The following CADM4 variants were observed in gnomAD, a reference collection of about 807,000 sequenced individuals.
CADM4 encodes the protein cell adhesion molecule 4, also known as TSLC1-like 2.
Under a neutral mutation model 43.9 loss-of-function variants are expected in CADM4, and 13 were observed. That is an observed-to-expected ratio of 0.30 (90% CI 0.19 to 0.47). The LOEUF (loss-of-function observed/expected upper bound fraction) is 0.47, where lower values mean the gene tolerates loss of function less well. CADM4 is among the 20% of genes least tolerant of loss of function. CADM4 has a pLI of 1.00. For synonymous variants in CADM4, 209 were observed against 220.9 expected, an observed-to-expected ratio of 0.95 and a Z score of 0.48; for missense variants, 420 against 527.0, an observed-to-expected ratio of 0.80 and a Z score of 1.99.
At position 43,626,658 on chromosome 19, in the gene CADM4, C is replaced by G; in HGVS notation, c.499+126G>C. The G allele has an allele frequency of 7.7e-7, 1 of 1,290,772 alleles. No homozygotes were observed. Among genetic ancestry groups the G allele is most frequent in the Non-Finnish European group, 1.0e-6 (1 of 958,232 alleles). 80.0% of individuals were successfully genotyped at this position (1,290,772 alleles called of 1,614,324 possible). On this transcript the variant is annotated intron_variant, in intron 4 of 8. Coordinates refer to ENST00000222374, the MANE Select transcript of CADM4 (RefSeq NM_145296.2). This position sits in a 1 kb window ranked among gnomAD's most constrained non-coding sequence, Gnocchi z 5.9. ...GACTACAGGCGTGAGCCACCGCGCT[C>G]GACATCAACCACTACATATTGAATG...
At position 43,627,561 on chromosome 19, in the gene CADM4, G is replaced by A. The variant is rs1973549883; in HGVS notation, c.211+83C>T. ...GAGACCCAGGAGACCAAACTCTCAG[G>A]TGTGTCCTCTTTCAGGACATGGGAG... On this transcript the variant is annotated intron_variant, in intron 2 of 8. Transcript: ENST00000222374. The surrounding 1 kb of genome is among the most constrained non-coding windows in gnomAD (Gnocchi z 4.0). 1 of 1,472,016 alleles carries A rather than the reference G, an allele frequency of 6.8e-7. No homozygotes were observed. The highest frequency in any genetic ancestry group is 9.3e-7 in the Non-Finnish European group (1 of 1,078,890). The allele number at this position is 1,472,016 out of a possible 1,614,324, so 91.2% of individuals were successfully genotyped here.
At chr19:43,637,743 G>A (rs897400678) in intron 1 of CADM4, among the ~76,000 whole-genome samples, 2 of 152,164 alleles carry the variant, frequency 1.3e-5, no homozygotes, top group African/African-American at 4.8e-5. Flanking sequence ...TTCAAAGTCT[G>A]ATGATTCTAA....
At chr19:43,641,462 C>G (rs890593142), upstream of CADM4, among the ~76,000 whole-genome samples, 12 of 152,114 alleles carry the variant, frequency 7.9e-5, no homozygotes, top group African/African-American at 2.9e-4. Flanking sequence ...GTCCAAGCTC[C>G]CATCAACTCC....
intron 7 of CADM4, 56 bp from the exon 8 acceptor site, chr19:43,624,298 C>T: frequency 1.2e-6 from 2 of 1,610,926 alleles, no homozygotes; most frequent in Non-Finnish European, 1.7e-6. Flanking sequence ...CCAGTCTGGC[C>T]CCATCGCTGC....
In CADM4 at chr19:43,626,206, A is replaced by T; in HGVS notation, c.582T>A (p.Gly194=). 1 of 1,613,556 alleles carries T rather than the reference A, an allele frequency of 6.2e-7. No homozygotes were observed. Among genetic ancestry groups the T allele is most frequent in the Non-Finnish European group, 8.5e-7 (1 of 1,179,962 alleles). Residue 194 remains glycine, a synonymous_variant, in exon 5 of 9, where the codon GGT becomes GGA. Coordinates refer to ENST00000222374, the MANE Select transcript of CADM4 (RefSeq NM_145296.2). This position sits in a 1 kb window ranked among gnomAD's most constrained non-coding sequence, Gnocchi z 5.9. The stretch of plus-strand genomic sequence containing the variant: ...TCTGCGCCTCACAGATGATGATACC[A>T]CCGTCGTCCTTACGGTCCACACGAA... ...VRFRVDRKDD[G]GIIICEAQNQ...
In CADM4 at chr19:43,623,166, A is replaced by T; in HGVS notation, c.*164T>A. 1 of 625,082 alleles carries T rather than the reference A, an allele frequency of 1.6e-6. No individual in the cohort carries two copies. The allele number at this position is 625,082 out of a possible 1,614,324, so 38.7% of individuals were successfully genotyped here. On this transcript the variant is annotated 3_prime_UTR_variant, in exon 9 of 9. Transcript: ENST00000222374. The surrounding 1 kb of genome is among the most constrained non-coding windows in gnomAD (Gnocchi z 4.4). Reference sequence around the variant, plus strand: ...TCACTTCTGGCCCTTACAGAGATCCAGGCATCCAACACCCCCATCCCTGCC... The same window carrying T: ...TCACTTCTGGCCCTTACAGAGATCCTGGCATCCAACACCCCCATCCCTGCC...
intron 1 of CADM4, among the ~76,000 whole-genome samples, chr19:43,629,496 C>T (rs4803646): frequency 0.24 from 37,190 of 152,004 alleles, 4,738 homozygotes; most frequent in South Asian, 0.26. Context: ...TTCAAAATAA[C>T]AATAACCCCC....
rs59489315 is a variant in CADM4 at position 43,630,281 on chromosome 19, C to CTTTTTTTTTTTTTTT, written c.65-2506_65-2492dup. ...TTTCCCCCATTTCCATTTTTCTTTTCTTTTTTTTTTTTTTTTTTTTTTGAG... is the reference window on the plus strand; with the variant it reads ...TTTCCCCCATTTCCATTTTTCTTTTCTTTTTTTTTTTTTTTTTTTTTTTTTTTTTTTTTTTTTGAG... On this transcript the variant is annotated intron_variant, in intron 1 of 8. Transcript: ENST00000222374. 1.3e-3 allele frequency among the ~76,000 whole-genome samples: 98 copies of CTTTTTTTTTTTTTTT among 73,420 alleles called. 2 individuals carry two copies. Among genetic ancestry groups the CTTTTTTTTTTTTTTT allele is most frequent in the African/African-American group, 1.8e-3 (29 of 16,552 alleles). The allele number at this position is 73,420 out of a possible 152,430, so 48.2% of individuals were successfully genotyped here. A position where few individuals can be genotyped will look rare whatever the true frequency, so the allele number is the denominator to read the frequency against.
In CADM4 at chr19:43,626,881, C is replaced by T. The variant is rs983295556; in HGVS notation, c.402G>A (p.Gln134=). The change falls in exon 4 of 9, where the codon CAG becomes CAA. Residue 134 remains glutamine (Q), a synonymous_variant. Transcript: ENST00000222374. This position sits in a 1 kb window ranked among gnomAD's most constrained non-coding sequence, Gnocchi z 5.9. ...PENPVVEVRE[Q]AVEGGEVELS... ...GCTCCACCTCGCCGCCCTCTACCGC[C>T]TGCTCCCGGACCTCCACCACAGGAT... The T allele has an allele frequency of 1.2e-6, 2 of 1,608,482 alleles. No individual in the cohort carries two copies. Among genetic ancestry groups the T allele is most frequent in the African/African-American group, 1.3e-5 (1 of 74,830 alleles).
chr19:43,629,004 G>C lies in CADM4; in HGVS notation c.65-1214C>G, dbSNP rs80276977. ...ACAAATAAGGTGGTGGTTGTTTTAA[G>C]CTCCTAAGTTGTGGGTGATCTGTTC... On this transcript the variant is annotated intron_variant, in intron 1 of 8. Coordinates refer to ENST00000222374, the MANE Select transcript of CADM4 (RefSeq NM_145296.2). Among the ~76,000 whole-genome samples the C allele has an allele frequency of 9.8e-3, 1,493 of 152,340 alleles. 26 individuals are homozygous for C. The highest frequency in any genetic ancestry group is 0.034 in the African/African-American group (1,412 of 41,576).
At chr19:43,639,618 C>A in intron 1 of CADM4, 109 bp downstream of exon 1, 2 of 661,914 alleles carry the variant, frequency 3.0e-6, no homozygotes, top group Non-Finnish European at 3.7e-6. Flanking sequence ...GGGGCCCGGC[C>A]CGGCCCCGCG....
intron 1 of CADM4, among the ~76,000 whole-genome samples, chr19:43,636,401 C>T (rs1015603895): frequency 6.6e-5 from 10 of 152,240 alleles, no homozygotes; most frequent in East Asian, 1.9e-4. Flanking sequence ...CGAACCTCCA[C>T]GCCCAGTGCC....
chr19:43,634,515 G>A (rs963936694), intron 1 of CADM4, among the ~76,000 whole-genome samples: 1 of 145,476 alleles, frequency 6.9e-6, no homozygotes, highest in Non-Finnish European at 1.5e-5. Flanking sequence ...GGGGTCTTTT[G>A]TTTTACTCCC....
chr19:43,624,249 G>C lies in CADM4; in HGVS notation c.929-7C>G. 6.2e-7 allele frequency: 1 copy of C among 1,614,162 alleles called. No individual in the cohort carries two copies. The highest frequency in any genetic ancestry group is 8.5e-7 in the Non-Finnish European group (1 of 1,180,024). On this transcript the variant is annotated splice_polypyrimidine_tract_variant and splice_region_variant and intron_variant, in intron 7 of 8. Transcript: ENST00000222374. ...TCTACCACCGCACCAGGGTCTGCCA[G>C]AGGGACACGGCACAGGACCAGGTCA...
chr19:43,636,693 C>G (rs1253288593), intron 1 of CADM4, among the ~76,000 whole-genome samples: 1 of 151,694 alleles, frequency 6.6e-6, no homozygotes, highest in Non-Finnish European at 1.5e-5. Flanking sequence ...AGCCTTAGGC[C>G]CCAGCCCTGC....
At position 43,625,138 on chromosome 19, in the gene CADM4, T is replaced by C. The variant is rs769833562; in HGVS notation, c.868A>G (p.Thr290Ala). Residue 290 changes from threonine to alanine, a missense_variant, in exon 7 of 9, where the codon ACT becomes GCT. Physicochemically the swap from Thr to Ala is moderately conservative, Grantham distance 58 (BLOSUM62 0). Transcript: ENST00000222374. The surrounding 1 kb of genome is among the most constrained non-coding windows in gnomAD (Gnocchi z 4.5). ...CCGTGCTTATTGGACGCCTCGCAAG[T>C]GTAGGTGCCGTTATCCGCGGATACC... is the stretch of plus-strand genomic sequence containing the variant. Reference protein sequence around the residue: ...GLVSADNGTYTCEASNKHGHA... With the variant: ...GLVSADNGTYACEASNKHGHA... 1 of 1,613,448 alleles carries C rather than the reference T, an allele frequency of 6.2e-7. No homozygotes were observed. Among genetic ancestry groups the C allele is most frequent in the South Asian group, 1.1e-5 (1 of 91,042 alleles).
At chr19:43,639,473 G>C (rs1189036255) in intron 1 of CADM4, among the ~76,000 whole-genome samples, 1 of 150,204 alleles carries the variant, frequency 6.7e-6, no homozygotes, top group Non-Finnish European at 1.5e-5. Context: ...GTGTAGGGGG[G>C]TCTCGGGCCC....
chr19:43,623,748 C>T lies in CADM4; in HGVS notation c.1058-309G>A, dbSNP rs1007014283. ...ATAAATTGTTTTATTCAAATCCATG[C>T]TCTTTTTTTCCCCTAATTTTTTGTA... On this transcript the variant is annotated intron_variant, in intron 8 of 8. Coordinates refer to ENST00000222374, the MANE Select transcript of CADM4 (RefSeq NM_145296.2). The surrounding 1 kb of genome is among the most constrained non-coding windows in gnomAD (Gnocchi z 4.4). 1.3e-5 allele frequency among the ~76,000 whole-genome samples: 2 copies of T among 152,174 alleles called. No homozygotes were observed. The highest frequency in any genetic ancestry group is 4.8e-5 in the African/African-American group (2 of 41,436).
intron 1 of CADM4, among the ~76,000 whole-genome samples, chr19:43,634,002 G>A (rs551532666): frequency 6.6e-6 from 1 of 152,174 alleles, no homozygotes; most frequent in African/African-American, 2.4e-5. Context: ...GGCCCAGACA[G>A]AATCTCATTT....
Sources: gnomAD v4.1 joint callset for allele counts (sites outside exome capture counted in the v4.1 genomes callset) on GRCh38, gnomAD v4.1.1 for gene constraint, Gnocchi (gnomAD v3.1) non-coding constraint, MANE v1.5 for transcripts, NCBI Gene and HGNC (gene_info 2026-07-23, HGNC 2026-07-21) for gene names.